ELL: variants seen among roughly 807,000 people sequenced by gnomAD.
ELL encodes RNA polymerase II elongation factor ELL.
A neutral mutation model predicts 64.0 loss-of-function variants in ELL; 18 were observed. The observed-to-expected ratio is 0.28, with a 90% confidence interval of 0.19 to 0.42. ELL has a LOEUF of 0.42. Among genes scored for constraint, ELL ranks in the 10% least tolerant of loss-of-function variants. The pLI is 1.00. For synonymous variants in ELL, 399 were observed against 376.2 expected (o/e 1.06, Z -0.70); for missense variants, 797 against 870.4 (o/e 0.92, Z 1.06).
intron 2 of ELL, among the ~76,000 whole-genome samples, chr19:18,468,207 C>A (rs1020379809): frequency 2.1e-4 from 29 of 140,006 alleles, no homozygotes; most frequent in South Asian, 2.2e-4. Flanking sequence ...AACACAACCC[C>A]CACACACACA....
intron 7 of ELL, among the ~76,000 whole-genome samples, chr19:18,451,182 G>GA (rs1342148492): frequency 6.6e-6 from 1 of 152,226 alleles, no homozygotes; most frequent in African/African-American, 2.4e-5. Context: ...GATGCAGGGG[G>GA]AGGGCAGGGC....
intron 4 of ELL, 24 bp downstream of exon 4, chr19:18,465,388 A>G (rs768814324): frequency 6.4e-6 from 10 of 1,572,902 alleles, no homozygotes; most frequent in African/African-American, 2.7e-5. Flanking sequence ...GCTGCCCTAC[A>G]GCCCTGCCAA....
At chr19:18,456,385 A>G (rs973202332) in intron 6 of ELL, among the ~76,000 whole-genome samples, 8 of 151,980 alleles carry the variant, frequency 5.3e-5, no homozygotes, top group African/African-American at 1.9e-4. Context: ...CTACAAGTCT[A>G]GATGTGATCA....
chr19:18,511,750 G>T (rs1976028229), intron 1 of ELL, among the ~76,000 whole-genome samples: 1 of 152,116 alleles, frequency 6.6e-6, no homozygotes, highest in Non-Finnish European at 1.5e-5. Flanking sequence ...CAGGCACAGT[G>T]GCTCAAGCTT....
chr19:18,468,005 ACACAACCCACACACACAACCCACACATG>A (rs1974986401), intron 2 of ELL, among the ~76,000 whole-genome samples: 1 of 145,364 alleles, frequency 6.9e-6, no homozygotes. Context: ...CCACACACAA[ACACAACCCACACACACAACCCACACATG>A]CACAACCCCC....
At position 18,473,021 on chromosome 19, in the gene ELL, A is replaced by C. The variant is rs1031188300; in HGVS notation, c.136-139T>G. 10 of 1,059,000 alleles carry C rather than the reference A, an allele frequency of 9.4e-6. No homozygotes were observed. The African/African-American group carries it at 1.6e-4, about 17-fold the overall frequency. 65.6% of individuals were successfully genotyped at this position (1,059,000 alleles called of 1,614,324 possible). On this transcript the variant is annotated intron_variant, in intron 1 of 11. Transcript: ENST00000262809. ...AGGAGAGGGGAAAGGAAATGCACACACTCTGAAAATTATAGGCAAGGTCAC... is the reference window on the plus strand; with the variant it reads ...AGGAGAGGGGAAAGGAAATGCACACCCTCTGAAAATTATAGGCAAGGTCAC...
At chr19:18,466,672 C>T (rs1198456023) in intron 2 of ELL, among the ~76,000 whole-genome samples, 1 of 152,242 alleles carries the variant, frequency 6.6e-6, no homozygotes. Context: ...CATCAGAGGC[C>T]ATTGCATTCC....
chr19:18,451,063 C>T (rs1974521452), intron 7 of ELL, 88 bp from the exon 8 acceptor site: 4 of 1,408,086 alleles, frequency 2.8e-6, no homozygotes, highest in South Asian at 1.8e-5. Flanking sequence ...GAAAACCCAA[C>T]GCCGCCTGCA....
intron 4 of ELL, among the ~76,000 whole-genome samples, chr19:18,462,680 C>T (rs1302810428): frequency 3.9e-5 from 6 of 152,158 alleles, no homozygotes; most frequent in Non-Finnish European, 8.8e-5. Flanking sequence ...TCCTGCCCAA[C>T]CTGAGGCAGG....
intron 1 of ELL, among the ~76,000 whole-genome samples, chr19:18,480,229 C>A (rs910898979): frequency 2.0e-5 from 3 of 152,224 alleles, no homozygotes; most frequent in African/African-American, 7.2e-5. Context: ...CCCCCCTTTC[C>A]AGTAAAGCAC....
intron 1 of ELL, among the ~76,000 whole-genome samples, chr19:18,500,828 A>C (rs1360591668): frequency 6.6e-6 from 1 of 152,230 alleles, no homozygotes; most frequent in Non-Finnish European, 1.5e-5. Flanking sequence ...TCACTGAGGT[A>C]CACTGAAGCA....
At chr19:18,471,200 C>A (rs1232890228) in intron 2 of ELL, among the ~76,000 whole-genome samples, 2 of 152,080 alleles carry the variant, frequency 1.3e-5, no homozygotes, top group African/African-American at 4.8e-5. Context: ...TAATGAGACT[C>A]CGTCTTTACA....
intron 7 of ELL, 120 bp from the exon 8 acceptor site, chr19:18,451,095 G>C (rs753068928): frequency 2.8e-5 from 38 of 1,349,394 alleles, no homozygotes; most frequent in Non-Finnish European, 3.6e-5. Flanking sequence ...GGCCACATGG[G>C]GGCGCCCGAG....
intron 6 of ELL, among the ~76,000 whole-genome samples, chr19:18,453,238 C>T (rs1411654944): frequency 6.6e-6 from 1 of 152,226 alleles, no homozygotes; most frequent in African/African-American, 2.4e-5. Flanking sequence ...CATGCCATTG[C>T]ACTCCAGTCT....
In ELL at chr19:18,465,917, T is replaced by C. The variant is rs757320935; in HGVS notation, c.185A>G (p.His62Arg). Residue 62 changes from histidine (H) to arginine (R), a missense_variant and splice_region_variant, in exon 3 of 12, where the codon CAC (histidine) becomes CGC (arginine). Transcript: ENST00000262809. Reference protein sequence around the residue: ...PSIRFQGSQGHISIPQPDCPA... With the variant: ...PSIRFQGSQGRISIPQPDCPA... The stretch of plus-strand genomic sequence containing the variant: ...GCAGTCAGGCTGGGGGATGGAGATG[T>C]GCTGCGTGGAGGGGGAGGGGGTGTC... 5 of 1,312,062 alleles carry C rather than the reference T, an allele frequency of 3.8e-6. No individual in the cohort carries two copies. The South Asian group carries it at 9.0e-5, about 24-fold the overall frequency. The allele number at this position is 1,312,062 out of a possible 1,614,324, so 81.3% of individuals were successfully genotyped here.
intron 6 of ELL, among the ~76,000 whole-genome samples, chr19:18,457,224 C>G (rs374598298): frequency 6.6e-6 from 1 of 152,234 alleles, no homozygotes; most frequent in African/African-American, 2.4e-5. Flanking sequence ...AGCTCCCCGA[C>G]GCCCCAGAGG....
chr19:18,502,263 T>A (rs929426088), intron 1 of ELL, among the ~76,000 whole-genome samples: 12 of 152,052 alleles, frequency 7.9e-5, no homozygotes, highest in African/African-American at 2.9e-4. Context: ...GGGAGACACA[T>A]GACCACCCTA....
Position 18,497,070 on chromosome 19 carries a change from G to A in ELL, c.136-24188C>T, listed in dbSNP as rs569931932. ...TTGCCCAGAGGCACTGGAAACGTGC[G>A]TCCACATGAAAAATACTAATTACAG... On this transcript the variant is annotated intron_variant, in intron 1 of 11. Transcript: ENST00000262809. 7.9e-5 allele frequency among the ~76,000 whole-genome samples: 12 copies of A among 152,330 alleles called. No individual in the cohort carries two copies. The South Asian group carries it at 8.3e-4, about 11-fold the overall frequency.
intron 1 of ELL, among the ~76,000 whole-genome samples, chr19:18,477,332 A>G (rs1975198201): frequency 6.6e-6 from 1 of 152,176 alleles, no homozygotes; most frequent in African/African-American, 2.4e-5. Flanking sequence ...CCTACAGGAA[A>G]CGAACACCAC....
Sources: gnomAD v4.1 joint callset for allele counts (sites outside exome capture counted in the v4.1 genomes callset) on GRCh38, gnomAD v4.1.1 for gene constraint, MANE v1.5 for transcripts, NCBI Gene and HGNC (gene_info 2026-07-23, HGNC 2026-07-21) for gene names.